Variants in USP53 observed in about 807,000 individuals in gnomAD.
The protein encoded by USP53 is ubiquitin carboxyl-terminal hydrolase 53.
USP53 carries 71 observed loss-of-function variants against 94.9 expected under a neutral mutation model. That is an observed-to-expected ratio of 0.75 (90% CI 0.62 to 0.91). The LOEUF is 0.91. Ranked by LOEUF, USP53 falls within the 40% of genes least tolerant of loss-of-function variation. USP53 has a pLI of 0.00. For missense variants in USP53, 1,173 were observed against 1,281.0 expected (o/e 0.92, Z 1.29); for synonymous variants, 375 against 422.7 (o/e 0.89, Z 1.39).
rs751511532 is a variant in USP53, at chr4:119,267,359, C to T, written c.1012C>T (p.Arg338Ter). Residue 338 changes from arginine to a stop codon, truncating the protein, a stop_gained, in exon 13 of 19, where the codon CGA becomes TGA. Transcript: ENST00000692078. LOFTEE classifies it high-confidence loss of function. The stretch of plus-strand genomic sequence containing the variant: ...GAAAGATGTTGTCTCCAAATGCATT[C>T]GATGCCACTTTCAGCCACTACTTTT... ...RWKDVVSKCIRCHFQPLLLFY... is the reference protein window; with the variant it reads ...RWKDVVSKCI 11 of 1,613,748 alleles carry T rather than the reference C, an allele frequency of 6.8e-6. No individual in the cohort carries two copies. The East Asian group carries it at 1.1e-4, about 16-fold the overall frequency.
chr4:119,256,997 T>C (rs960626724), intron 9 of USP53, among the ~76,000 whole-genome samples: 9 of 152,172 alleles, frequency 5.9e-5, no homozygotes, highest in African/African-American at 2.2e-4. Context: ...TCACTTTAAA[T>C]AAAAAATTTG....
chr4:119,215,424 AAATT>A (rs1188097173), intron 2 of USP53, among the ~76,000 whole-genome samples: 1 of 152,120 alleles, frequency 6.6e-6, no homozygotes, highest in Non-Finnish European at 1.5e-5. Context: ...ACATTTTTTA[AAATT>A]AATAATAAGA....
chr4:119,278,052 C>G (rs1752897011), intron 17 of USP53, among the ~76,000 whole-genome samples: 2 of 148,864 alleles, frequency 1.3e-5, no homozygotes, highest in Non-Finnish European at 3.0e-5. Flanking sequence ...GACTCTTTAT[C>G]CAATTTGCCA....
chr4:119,256,200 C>A (rs769079086), intron 7 of USP53, 46 bp from the exon 8 acceptor site: 3 of 1,415,330 alleles, frequency 2.1e-6, no homozygotes, highest in Non-Finnish European at 2.0e-6. Flanking sequence ...TTGCTGTGTT[C>A]CCTGCAAGAT....
At chr4:119,273,840 A>G in intron 17 of USP53, 132 bp downstream of exon 17, 1 of 665,584 alleles carries the variant, frequency 1.5e-6, no homozygotes, top group East Asian at 2.9e-5. Context: ...TAAAATATCA[A>G]TAAACAAGTT....
At chr4:119,219,143 G>A (rs932791748) in intron 3 of USP53, 2 of 144,502 alleles carry the variant, frequency 1.4e-5, no homozygotes, top group East Asian at 2.0e-4. Context: ...GAGTCTCATG[G>A]CTTTATCAAC....
Position 119,291,157 on chromosome 4 carries a change from A to G in USP53, c.2252-8A>G. 1.8e-6 allele frequency: 1 copy of G among 543,990 alleles called. No individual in the cohort carries two copies. The highest frequency in any genetic ancestry group is 2.9e-6 in the Non-Finnish European group (1 of 343,464). The allele number at this position is 543,990 out of a possible 1,614,324, so 33.7% of individuals were successfully genotyped here. A position where few individuals can be genotyped will look rare whatever the true frequency, so the allele number is the denominator to read the frequency against. ...CTCATCTCTTCTCCCCACCCCACCCAACCCTAGGCTTTAGAAAAGAACTCA... is the reference window on the plus strand; with the variant it reads ...CTCATCTCTTCTCCCCACCCCACCCGACCCTAGGCTTTAGAAAAGAACTCA... On this transcript the variant is annotated splice_region_variant and splice_polypyrimidine_tract_variant and intron_variant, in intron 17 of 18. Transcript: ENST00000692078.
intron 17 of USP53, 57 bp from the exon 18 acceptor site, chr4:119,291,108 C>A: frequency 1.2e-6 from 1 of 836,376 alleles, no homozygotes; most frequent in Non-Finnish European, 1.8e-6. Context: ...AATTCTGTAA[C>A]ATAATTTAAA....
chr4:119,292,641 TATC>T lies in USP53; in HGVS notation c.2655_2657del (p.Ile885del), dbSNP rs757401193. On this transcript the variant is annotated inframe_deletion, in exon 19 of 19. Coordinates refer to ENST00000692078, the MANE Select transcript of USP53 (RefSeq NM_001371395.1). ...CTGCTCCTCTCATCCAGCAACAAAATATCATGGATCAATGTTACTTTGAGAACT... is the reference window on the plus strand; with the variant it reads ...CTGCTCCTCTCATCCAGCAACAAAATATGGATCAATGTTACTTTGAGAACT... The T allele has an allele frequency of 6.8e-6, 11 of 1,613,968 alleles. No homozygotes were observed. In the African/African-American group the frequency reaches 1.2e-4, roughly 18 times the overall value.
In USP53 at chr4:119,269,856, C is replaced by G. The variant is rs376866822; in HGVS notation, c.1435+19C>G. ...CATAGAGGTAAGTTAAGATCTTGTA[C>G]TATTGATTTTAAAAGGAACTTCTAA... is the stretch of plus-strand genomic sequence containing the variant. On this transcript the variant is annotated intron_variant, in intron 15 of 18. Transcript: ENST00000692078. The G allele has an allele frequency of 7.0e-5, 93 of 1,334,918 alleles. No homozygotes were observed. The highest frequency in any genetic ancestry group is 5.3e-4 in the Admixed American group (18 of 33,798). 82.7% of individuals were successfully genotyped at this position (1,334,918 alleles called of 1,614,324 possible). A position where few individuals can be genotyped will look rare whatever the true frequency, so the allele number is the denominator to read the frequency against.
intron 4 of USP53, among the ~76,000 whole-genome samples, chr4:119,237,930 C>G (rs867027893): frequency 6.6e-6 from 1 of 152,194 alleles, no homozygotes; most frequent in Non-Finnish European, 1.5e-5. Flanking sequence ...GCTTCCTCAC[C>G]CTCTTTTTCT....
Position 119,243,502 on chromosome 4 carries a change from A to G in USP53, c.145-1835A>G, listed in dbSNP as rs908937463. 2.0e-5 allele frequency among the ~76,000 whole-genome samples: 3 copies of G among 152,202 alleles called. No homozygotes were observed. The East Asian group carries it at 5.8e-4, about 29-fold the overall frequency. On this transcript the variant is annotated intron_variant, in intron 5 of 18. Coordinates refer to ENST00000692078, the MANE Select transcript of USP53 (RefSeq NM_001371395.1). ...AACAAAGCAAGACTCCATCTAAAAAATAAATAAATAAAAATAAAATAAAAT... is the reference window on the plus strand; with the variant it reads ...AACAAAGCAAGACTCCATCTAAAAAGTAAATAAATAAAAATAAAATAAAAT...
intron 12 of USP53, among the ~76,000 whole-genome samples, chr4:119,263,123 C>G (rs966142845): frequency 2.0e-5 from 3 of 152,138 alleles, no homozygotes; most frequent in Non-Finnish European, 4.4e-5. Context: ...TAAGACAATA[C>G]AAATTCAAAT....
chr4:119,259,000 G>A (rs1040941519), intron 9 of USP53, among the ~76,000 whole-genome samples: 1 of 152,148 alleles, frequency 6.6e-6, no homozygotes, highest in Non-Finnish European at 1.5e-5. Context: ...TAGTATCCTG[G>A]CTGAGCTCAG....
Position 119,245,399 on chromosome 4 carries a change from G to A in USP53, c.207G>A (p.Gln69=). 6.2e-7 allele frequency: 1 copy of A among 1,613,800 alleles called. No homozygotes were observed. The highest frequency in any genetic ancestry group is 1.3e-5 in the African/African-American group (1 of 75,014). ...GGGTTTTGACTGGACATGTTTGTCAGGGAGATGCCTGTATATTTTGTGCAT... is the reference window on the plus strand; with the variant it reads ...GGGTTTTGACTGGACATGTTTGTCAAGGAGATGCCTGTATATTTTGTGCAT... ...SLRVLTGHVC[Q]GDACIFCALK... The change falls in exon 6 of 19, where the codon CAG becomes CAA. Residue 69 remains glutamine (Q), a synonymous_variant. Transcript: ENST00000692078.
intron 17 of USP53, among the ~76,000 whole-genome samples, chr4:119,276,448 C>A (rs1752655554): frequency 2.0e-5 from 3 of 151,628 alleles, no homozygotes; most frequent in African/African-American, 7.2e-5. Context: ...AGGGATGAAG[C>A]CCACTTGATC....
chr4:119,255,697 G>A (rs1165872369), intron 7 of USP53, among the ~76,000 whole-genome samples: 1 of 152,134 alleles, frequency 6.6e-6, no homozygotes, highest in African/African-American at 2.4e-5. Flanking sequence ...CTGACCCCTT[G>A]TGCTTCCTGG....
chr4:119,286,152 T>G (rs887106562), intron 17 of USP53, among the ~76,000 whole-genome samples: 5 of 151,846 alleles, frequency 3.3e-5, no homozygotes, highest in African/African-American at 1.2e-4. Flanking sequence ...ATATTCAAAT[T>G]TATTTCAAAT....
rs748845609 is a variant in USP53, at chr4:119,256,228, A to G, written c.373-18A>G. The G allele has an allele frequency of 1.5e-5, 24 of 1,583,182 alleles. No individual in the cohort carries two copies. The highest frequency in any genetic ancestry group is 2.1e-5 in the Non-Finnish European group (24 of 1,159,702). ...TGCAAGATCAACAACTCATTTATCTATTTTATTTTTAAATTAGGAAAATAT... is the reference window on the plus strand; with the variant it reads ...TGCAAGATCAACAACTCATTTATCTGTTTTATTTTTAAATTAGGAAAATAT... On this transcript the variant is annotated intron_variant, in intron 7 of 18. Coordinates refer to ENST00000692078, the MANE Select transcript of USP53 (RefSeq NM_001371395.1).
Sources: gnomAD v4.1 joint callset for allele counts (sites outside exome capture counted in the v4.1 genomes callset) on GRCh38, gnomAD v4.1.1 for gene constraint, MANE v1.5 for transcripts, NCBI Gene and HGNC (gene_info 2026-07-23, HGNC 2026-07-21) for gene names.